Variants in ZMIZ1 observed in about 807,000 individuals in gnomAD.
ZMIZ1 encodes zinc finger MIZ-type containing 1, also known as zinc finger MIZ domain-containing protein 1.
ZMIZ1 carries 17 observed loss-of-function variants against 113.9 expected under a neutral mutation model. The observed-to-expected ratio is 0.15, with a 90% CI of 0.10 to 0.22. The LOEUF is 0.22. ZMIZ1 is among the 10% of genes least tolerant of loss of function. The probability of loss-of-function intolerance (pLI) is 1.00; values close to 1 mark genes in which losing one functional copy is unlikely to be tolerated. For missense variants in ZMIZ1, 1,059 were observed against 1,477.8 expected (o/e 0.72, Z 4.65); for synonymous variants, 607 against 603.1 (o/e 1.01, Z -0.09).
intron 7 of ZMIZ1, among the ~76,000 whole-genome samples, chr10:79,272,515 G>A (rs764044711): frequency 9.2e-5 from 14 of 152,224 alleles, no homozygotes; most frequent in Non-Finnish European, 1.6e-4. Context: ...CCCAGCCTGC[G>A]GAGCTTTGCA....
chr10:79,115,182 C>T (rs1305990033), intron 1 of ZMIZ1, among the ~76,000 whole-genome samples: 3 of 152,140 alleles, frequency 2.0e-5, no homozygotes, highest in Non-Finnish European at 2.9e-5. Flanking sequence ...AGGTACTCAC[C>T]ACCTCCCAAG....
chr10:79,282,120 T>C (rs1003655348), intron 8 of ZMIZ1, among the ~76,000 whole-genome samples: 2 of 152,214 alleles, frequency 1.3e-5, no homozygotes, highest in South Asian at 4.1e-4. Flanking sequence ...AAATCCCTCA[T>C]TTCCAGGGAA....
Position 79,293,600 on chromosome 10 carries a change from C to T in ZMIZ1, c.1177C>T (p.Pro393Ser). 1.9e-6 allele frequency: 3 copies of T among 1,613,120 alleles called. No homozygotes were observed. The highest frequency in any genetic ancestry group is 1.7e-5 in the Admixed American group (1 of 60,032). The change falls in exon 12 of 25, where the codon CCC becomes TCC. Residue 393 changes from proline to serine, a missense_variant. By Grantham distance (74) the Pro-to-Ser change is moderately conservative (BLOSUM62 -1). Coordinates refer to ENST00000334512, the MANE Select transcript of ZMIZ1 (RefSeq NM_020338.4). ...QRMPQQTYPGPRPQSLPIQNI... is the reference protein window; with the variant it reads ...QRMPQQTYPGSRPQSLPIQNI... Reference sequence around the variant, plus strand: ...GATGCCCCAGCAGACCTACCCGGGCCCCCGGCCCCAGTCCCTTCCTATTCA... The same window carrying T: ...GATGCCCCAGCAGACCTACCCGGGCTCCCGGCCCCAGTCCCTTCCTATTCA...
rs1855530004 is a variant in ZMIZ1 at position 79,316,287 on chromosome 10, T to A, written c.*3538T>A. On this transcript the variant is annotated 3_prime_UTR_variant, in exon 25 of 25. Coordinates refer to ENST00000334512, the MANE Select transcript of ZMIZ1 (RefSeq NM_020338.4). Reference sequence around the variant, plus strand: ...ACTTTAAACTGGTCAAAAAACTAATTGTGATTTCTAGTCTTGCAAAGCTGT... The same window carrying A: ...ACTTTAAACTGGTCAAAAAACTAATAGTGATTTCTAGTCTTGCAAAGCTGT... The A allele has an allele frequency of 6.6e-6, 1 of 152,612 alleles. No individual in the cohort carries two copies. The highest frequency in any genetic ancestry group is 6.5e-5 in the Admixed American group (1 of 15,284). The allele number at this position is 152,612 out of a possible 1,614,324, so 9.5% of individuals were successfully genotyped here.
chr10:79,125,323 G>A (rs75812251), intron 2 of ZMIZ1, among the ~76,000 whole-genome samples: 5,209 of 152,268 alleles, frequency 0.034, 255 homozygotes, highest in African/African-American at 0.11. Context: ...AGACCAGCCC[G>A]GGGGCACACA....
At chr10:79,217,146 G>A (rs781258245) in intron 7 of ZMIZ1, among the ~76,000 whole-genome samples, 2 of 152,184 alleles carry the variant, frequency 1.3e-5, no homozygotes, top group Non-Finnish European at 2.9e-5. Flanking sequence ...AGTGCAGGCC[G>A]GGCGCGGTGG....
intron 1 of ZMIZ1, among the ~76,000 whole-genome samples, chr10:79,093,943 T>C (rs952905544): frequency 6.6e-6 from 1 of 152,188 alleles, no homozygotes; most frequent in African/African-American, 2.4e-5. Context: ...CGGTTTGACT[T>C]ACAGGAAGAA....
chr10:79,296,424 T>C lies in ZMIZ1; in HGVS notation c.1231-47T>C, dbSNP rs751587794. ...GTTCAGGTGACCTGGCTATGTGACG[T>C]TGGCAACATTGAACGTGTTTCCCCT... On this transcript the variant is annotated intron_variant, in intron 12 of 24. Transcript: ENST00000334512. This position sits in a 1 kb window ranked among gnomAD's most constrained non-coding sequence, Gnocchi z 4.1. 3.1e-5 allele frequency: 50 copies of C among 1,604,864 alleles called. No individual in the cohort carries two copies. In the Admixed American group the frequency reaches 4.5e-4, roughly 15 times the overall value.
At chr10:79,301,713 C>T (rs535136931) in intron 17 of ZMIZ1, among the ~76,000 whole-genome samples, 7 of 152,114 alleles carry the variant, frequency 4.6e-5, no homozygotes, top group East Asian at 3.9e-4. Context: ...CAGAGTGAGG[C>T]GGCTGATGGG....
At chr10:79,095,213 A>C (rs1003212275) in intron 1 of ZMIZ1, among the ~76,000 whole-genome samples, 1 of 152,214 alleles carries the variant, frequency 6.6e-6, no homozygotes, top group Non-Finnish European at 1.5e-5. Flanking sequence ...AAATATGCTC[A>C]TGTACACTTA....
At chr10:79,232,121 C>T (rs1310116737) in intron 7 of ZMIZ1, among the ~76,000 whole-genome samples, 2 of 152,190 alleles carry the variant, frequency 1.3e-5, no homozygotes, top group African/African-American at 2.4e-5. Context: ...CCTCTCTGAT[C>T]CTCAGCTGTT....
At position 79,305,529 on chromosome 10, in the gene ZMIZ1, C is replaced by G; in HGVS notation, c.2355-4C>G. The G allele has an allele frequency of 6.2e-7, 1 of 1,614,136 alleles. No homozygotes were observed. Among genetic ancestry groups the G allele is most frequent in the Non-Finnish European group, 8.5e-7 (1 of 1,180,004 alleles). On this transcript the variant is annotated splice_region_variant and splice_polypyrimidine_tract_variant and intron_variant, in intron 20 of 24. Transcript: ENST00000334512. ...GAGGCCAAGCTCCCCATCTCCTTTTCCAGTAAAACCGCTCTGCTGGAGGGC... is the reference window on the plus strand; with the variant it reads ...GAGGCCAAGCTCCCCATCTCCTTTTGCAGTAAAACCGCTCTGCTGGAGGGC...
At chr10:79,216,948 T>G (rs1449663257) in intron 7 of ZMIZ1, among the ~76,000 whole-genome samples, 3 of 152,194 alleles carry the variant, frequency 2.0e-5, no homozygotes, top group African/African-American at 7.2e-5. Flanking sequence ...AGATACAGTT[T>G]TATTTTACAT....
At chr10:79,203,414 G>A (rs1392317056) in intron 5 of ZMIZ1, among the ~76,000 whole-genome samples, 1 of 152,134 alleles carries the variant, frequency 6.6e-6, no homozygotes, top group Admixed American at 6.5e-5. Context: ...ATAGAAACCA[G>A]ACGCCAAGAC....
At chr10:79,312,452 G>A (rs866008977) in intron 24 of ZMIZ1, among the ~76,000 whole-genome samples, 190 bp from the exon 25 acceptor site, 9 of 152,242 alleles carry the variant, frequency 5.9e-5, no homozygotes, top group Non-Finnish European at 7.3e-5. Flanking sequence ...CCCCACACTC[G>A]GTGCAGTGGC....
intron 4 of ZMIZ1, among the ~76,000 whole-genome samples, chr10:79,167,500 G>A (rs986990850): frequency 2.6e-5 from 4 of 152,180 alleles, no homozygotes; most frequent in African/African-American, 9.7e-5. Flanking sequence ...GACAAAATAA[G>A]GAACCGAGGC....
At chr10:79,277,369 C>T (rs1159108289) in intron 8 of ZMIZ1, 44 bp downstream of exon 8, 1 of 1,521,324 alleles carries the variant, frequency 6.6e-7, no homozygotes, top group South Asian at 1.3e-5. Context: ...AGCAGACACC[C>T]CTCTGGTCTC....
intron 1 of ZMIZ1, among the ~76,000 whole-genome samples, chr10:79,095,178 A>G (rs1182622552): frequency 6.6e-6 from 1 of 152,086 alleles, no homozygotes; most frequent in Non-Finnish European, 1.5e-5. Flanking sequence ...AGAAAGTGGG[A>G]ACGATTAAGG....
intron 1 of ZMIZ1, among the ~76,000 whole-genome samples, chr10:79,096,762 A>AT (rs1843183289): frequency 6.6e-6 from 1 of 152,200 alleles, no homozygotes; most frequent in Non-Finnish European, 1.5e-5. Flanking sequence ...GCCAGAACAG[A>AT]TAAGATCCCT....
Sources: gnomAD v4.1 joint callset for allele counts (sites outside exome capture counted in the v4.1 genomes callset) on GRCh38, gnomAD v4.1.1 for gene constraint, Gnocchi (gnomAD v3.1) non-coding constraint, MANE v1.5 for transcripts, NCBI Gene and HGNC (gene_info 2026-07-23, HGNC 2026-07-21) for gene names.